The following STXBP5L variants were observed in gnomAD, a reference collection of about 807,000 sequenced individuals.
The protein encoded by STXBP5L is syntaxin binding protein 5L.
In STXBP5L, 65 loss-of-function variants were observed where a neutral mutation model predicts 144.5. That is an observed-to-expected ratio of 0.45 (90% CI 0.37 to 0.55). STXBP5L has a LOEUF of 0.55. Ranked by LOEUF, STXBP5L falls within the 20% of genes least tolerant of loss-of-function variation. STXBP5L has a pLI of 0.00. For missense variants in STXBP5L, 1,298 were observed against 1,405.5 expected, an observed-to-expected ratio of 0.92 and a Z score of 1.22; for synonymous variants, 505 against 469.6, an observed-to-expected ratio of 1.08 and a Z score of -0.97.
intron 18 of STXBP5L, among the ~76,000 whole-genome samples, chr3:121,267,032 A>G (rs1426259617): frequency 6.6e-6 from 1 of 152,140 alleles, no homozygotes; most frequent in Non-Finnish European, 1.5e-5. Context: ...GCTACCATTG[A>G]CTTTCTTCAC....
intron 3 of STXBP5L, among the ~76,000 whole-genome samples, chr3:121,009,368 A>T (rs1425324173): frequency 6.6e-6 from 1 of 151,938 alleles, no homozygotes; most frequent in Non-Finnish European, 1.5e-5. Flanking sequence ...CAATCATGCC[A>T]TTTGCAACTG....
intron 5 of STXBP5L, among the ~76,000 whole-genome samples, chr3:121,058,437 C>A (rs1296086803): frequency 6.6e-6 from 1 of 152,140 alleles, no homozygotes; most frequent in African/African-American, 2.4e-5. Flanking sequence ...AAAAAGCATG[C>A]ATGTGCATGT....
chr3:121,124,379 T>C (rs73855330), intron 7 of STXBP5L, among the ~76,000 whole-genome samples: 2,224 of 152,082 alleles, frequency 0.015, 58 homozygotes, highest in African/African-American at 0.051. Flanking sequence ...GAAATTCGAG[T>C]GTATAACTTA....
At position 121,255,079 on chromosome 3, in the gene STXBP5L, A is replaced by T. The variant is rs562418935; in HGVS notation, c.1626A>T (p.Lys542Asn). Residue 542 changes from lysine (K) to asparagine (N), a missense_variant, in exon 16 of 27, where the codon AAA becomes AAT. By Grantham distance (94) the Lys-to-Asn change is moderately conservative (BLOSUM62 0). Coordinates refer to ENST00000471454, the MANE Select transcript of STXBP5L (RefSeq NM_001308330.2). The stretch of plus-strand genomic sequence containing the variant: ...TCTCTGCATATGTCATAATTTATAA[A>T]TTCAGCAGACATGAAATTACAACAG... ...SGVSAYVIIY[K>N]FSRHEITTEI... 1 of 1,599,340 alleles carries T rather than the reference A, an allele frequency of 6.3e-7. No homozygotes were observed. Among genetic ancestry groups the T allele is most frequent in the African/African-American group, 1.3e-5 (1 of 74,346 alleles).
At chr3:120,924,991 G>A (rs1709543554) in intron 2 of STXBP5L, 1 of 152,536 alleles carries the variant, frequency 6.6e-6, no homozygotes, top group African/African-American at 2.4e-5. Context: ...TTACAGGCGT[G>A]AGCCACCGCT....
chr3:121,093,011 C>A (rs867895910), intron 5 of STXBP5L, among the ~76,000 whole-genome samples: 42 of 152,310 alleles, frequency 2.8e-4, no homozygotes, highest in Middle Eastern at 3.4e-3. Context: ...AAGGCCTTTT[C>A]TGCAGCTATT....
chr3:121,139,285 T>C (rs959340952), intron 7 of STXBP5L, among the ~76,000 whole-genome samples: 1 of 152,154 alleles, frequency 6.6e-6, no homozygotes, highest in Non-Finnish European at 1.5e-5. Flanking sequence ...GTGATGGATA[T>C]GCTAATTATC....
chr3:120,936,984 C>T (rs1710297783), intron 2 of STXBP5L, among the ~76,000 whole-genome samples: 1 of 152,104 alleles, frequency 6.6e-6, no homozygotes, highest in Non-Finnish European at 1.5e-5. Flanking sequence ...GGGCTGTGAC[C>T]TTCACAAGTG....
chr3:121,071,820 A>C (rs1032550219), intron 5 of STXBP5L, among the ~76,000 whole-genome samples: 1 of 152,120 alleles, frequency 6.6e-6, no homozygotes, highest in African/African-American at 2.4e-5. Context: ...CTCTTAAATC[A>C]CCTTTTATCT....
chr3:120,924,422 C>A (rs1709504869), intron 2 of STXBP5L, among the ~76,000 whole-genome samples: 1 of 152,024 alleles, frequency 6.6e-6, no homozygotes, highest in Non-Finnish European at 1.5e-5. Context: ...TAATGAAAAA[C>A]AATCTAAGGA....
intron 19 of STXBP5L, among the ~76,000 whole-genome samples, chr3:121,283,090 G>C (rs1425931836): frequency 6.7e-6 from 1 of 150,086 alleles, no homozygotes; most frequent in East Asian, 1.9e-4. Context: ...TTTATCATAT[G>C]TTAATATATT....
chr3:121,323,635 A>G (rs1346227282), intron 20 of STXBP5L, among the ~76,000 whole-genome samples: 1 of 152,208 alleles, frequency 6.6e-6, no homozygotes, highest in Non-Finnish European at 1.5e-5. Flanking sequence ...CTACAGCTAG[A>G]CATTATGCTA....
chr3:121,115,535 C>A (rs181972817), intron 6 of STXBP5L, among the ~76,000 whole-genome samples: 13 of 152,230 alleles, frequency 8.5e-5, no homozygotes, highest in Admixed American at 4.6e-4. Flanking sequence ...ATGGCAATTA[C>A]CACTTTGGCT....
intron 5 of STXBP5L, among the ~76,000 whole-genome samples, chr3:121,066,122 C>G (rs574119240): frequency 1.3e-5 from 2 of 152,114 alleles, no homozygotes; most frequent in Non-Finnish European, 1.5e-5. Context: ...CGTGCACACT[C>G]AAGGGCAAGA....
chr3:121,145,408 T>C (rs966163515), intron 7 of STXBP5L, among the ~76,000 whole-genome samples: 3 of 151,968 alleles, frequency 2.0e-5, no homozygotes, highest in African/African-American at 4.8e-5. Flanking sequence ...GCACCCATTG[T>C]ATTTCCAGTT....
At chr3:120,978,521 G>A (rs554295026) in intron 3 of STXBP5L, among the ~76,000 whole-genome samples, 32 of 152,124 alleles carry the variant, frequency 2.1e-4, no homozygotes, top group East Asian at 9.7e-4. Context: ...TAGTTTGATC[G>A]TCTGAAGCCT....
intron 9 of STXBP5L, among the ~76,000 whole-genome samples, chr3:121,179,793 G>T (rs2047071698): frequency 6.6e-6 from 1 of 152,158 alleles, no homozygotes; most frequent in Non-Finnish European, 1.5e-5. Flanking sequence ...ACAAAATACA[G>T]TAGAAAGTTT....
intron 3 of STXBP5L, among the ~76,000 whole-genome samples, chr3:121,004,769 G>A (rs527668906): frequency 6.6e-6 from 1 of 152,136 alleles, no homozygotes. Context: ...AAGCGTTGTT[G>A]AATTTTGTCA....
At chr3:120,975,685 A>C (rs1559936727) in intron 3 of STXBP5L, among the ~76,000 whole-genome samples, 1 of 152,166 alleles carries the variant, frequency 6.6e-6, no homozygotes, top group Non-Finnish European at 1.5e-5. Flanking sequence ...TAGGTTTGTC[A>C]TAGATAGCTC....
Sources: allele counts gnomAD v4.1 joint callset (sites outside exome capture counted in the v4.1 genomes callset), GRCh38; gene constraint gnomAD v4.1.1; transcripts MANE v1.5; gene names NCBI Gene and HGNC (gene_info 2026-07-23, HGNC 2026-07-21).